LAMC3: variants seen among roughly 807,000 people sequenced by gnomAD.
LAMC3 encodes the protein laminin subunit gamma 3.
LAMC3 carries 128 observed loss-of-function variants against 173.8 expected under a neutral mutation model. The ratio of observed to expected loss-of-function variants is 0.74; its 90% confidence interval spans 0.64 to 0.85. LAMC3 has a LOEUF of 0.85. Ranked by LOEUF, LAMC3 falls within the 40% of genes least tolerant of loss-of-function variation. LAMC3 has a pLI of 0.00. For missense variants in LAMC3, 2,022 were observed against 2,156.0 expected (o/e 0.94, Z 1.23); for synonymous variants, 897 against 909.1 (o/e 0.99, Z 0.24).
chr9:131,068,789 A>G, intron 15 of LAMC3, 119 bp from the exon 16 acceptor site: 1 of 1,020,072 alleles, frequency 9.8e-7, no homozygotes, highest in South Asian at 1.5e-5. Flanking sequence ...CACCGAGAGG[A>G]GATGGGGTCT....
At chr9:131,031,789 A>T (rs922498243) in intron 2 of LAMC3, among the ~76,000 whole-genome samples, 2 of 152,144 alleles carry the variant, frequency 1.3e-5, no homozygotes, top group Non-Finnish European at 2.9e-5. Context: ...TTTTGTTCCA[A>T]TTCACAGATG....
At chr9:131,042,905 C>A (rs950845863) in intron 7 of LAMC3, among the ~76,000 whole-genome samples, 1 of 151,928 alleles carries the variant, frequency 6.6e-6, no homozygotes, top group Non-Finnish European at 1.5e-5. Flanking sequence ...GCAGACATCA[C>A]TAATGGAGCA....
chr9:131,081,935 A>C, intron 23 of LAMC3, 124 bp from the exon 24 acceptor site: 1 of 716,026 alleles, frequency 1.4e-6, no homozygotes, highest in Non-Finnish European at 2.5e-6. Flanking sequence ...GGACAGCGTG[A>C]CCCAGCGTCA....
At position 131,077,203 on chromosome 9, in the gene LAMC3, G is replaced by A; in HGVS notation, c.3646G>A (p.Ala1216Thr). The A allele has an allele frequency of 1.2e-6, 2 of 1,613,754 alleles. No individual in the cohort carries two copies. The highest frequency in any genetic ancestry group is 1.1e-5 in the South Asian group (1 of 91,078). Residue 1216 changes from alanine to threonine, a missense_variant, in exon 22 of 28, where the codon GCG becomes ACG. Physicochemically the swap from Ala to Thr is moderately conservative, Grantham distance 58. Coordinates refer to ENST00000361069, the MANE Select transcript of LAMC3 (RefSeq NM_006059.4). Reference protein sequence around the residue: ...DLEDRYQEVQAAQKALRTAVA... With the variant: ...DLEDRYQEVQTAQKALRTAVA... ...TCCTCCCAGGTACCAGGAGGTCCAG[G>A]CGGCCCAGAAAGCACTGAGGACGGC...
intron 15 of LAMC3, 70 bp downstream of exon 15, chr9:131,068,301 A>C: frequency 6.6e-7 from 1 of 1,514,244 alleles, no homozygotes; most frequent in East Asian, 2.3e-5. Flanking sequence ...GGCAGCCCCC[A>C]GGGAGGGGCC....
chr9:131,074,717 G>A (rs1039619356), intron 20 of LAMC3, among the ~76,000 whole-genome samples: 16 of 140,130 alleles, frequency 1.1e-4, no homozygotes, highest in South Asian at 1.1e-3. Context: ...AAAAAAAAAA[G>A]ACGCAGCTTA....
At chr9:131,012,791 G>A (rs1292292737) in intron 1 of LAMC3, among the ~76,000 whole-genome samples, 2 of 152,242 alleles carry the variant, frequency 1.3e-5, no homozygotes, top group Non-Finnish European at 1.5e-5. Flanking sequence ...GGAAGGGAGA[G>A]TGGGCGGCCA....
chr9:131,040,848 G>A (rs552192844), intron 6 of LAMC3, among the ~76,000 whole-genome samples: 90 of 152,282 alleles, frequency 5.9e-4, no homozygotes, highest in Non-Finnish European at 1.1e-3. Flanking sequence ...ACAGCCTCTC[G>A]TACATCTCCC....
intron 12 of LAMC3, among the ~76,000 whole-genome samples, chr9:131,059,823 A>G (rs1156966583): frequency 6.6e-6 from 1 of 152,216 alleles, no homozygotes; most frequent in African/African-American, 2.4e-5. Context: ...GAGAGGAGGA[A>G]TGAGCCTATG....
Position 131,091,630 on chromosome 9 carries a change from C to A in LAMC3, c.4571C>A (p.Ser1524Tyr), listed in dbSNP as rs139127207. The change falls in exon 28 of 28, where the codon TCC (serine) becomes TAC (tyrosine). Residue 1524 changes from serine to tyrosine, a missense_variant. Transcript: ENST00000361069. Reference protein sequence around the residue: ...RLRLQLGSPGSLQRKLSLLEQ... With the variant: ...RLRLQLGSPGYLQRKLSLLEQ... ...AGGCTGCAGCTGGGCTCCCCGGGGT[C>A]CTTGCAGAGGAAACTCAGTCTGCTG... 37 of 1,600,128 alleles carry A rather than the reference C, an allele frequency of 2.3e-5. No individual in the cohort carries two copies. The African/African-American group carries it at 4.8e-4, about 21-fold the overall frequency.
intron 1 of LAMC3, among the ~76,000 whole-genome samples, chr9:131,025,950 G>T (rs1004194937): frequency 6.6e-6 from 1 of 152,172 alleles, no homozygotes; most frequent in African/African-American, 2.4e-5. Context: ...GGTAGAGCAG[G>T]CTTTCTTAGA....
At chr9:131,085,854 C>G in intron 25 of LAMC3, 131 bp downstream of exon 25, 1 of 830,522 alleles carries the variant, frequency 1.2e-6, no homozygotes, top group Non-Finnish European at 2.0e-6. Context: ...AGGCAATTAG[C>G]TCAGAGACTT....
At chr9:131,066,864 G>C in intron 13 of LAMC3, 96 bp from the exon 14 acceptor site, 1 of 1,517,022 alleles carries the variant, frequency 6.6e-7, no homozygotes, top group East Asian at 2.3e-5. Flanking sequence ...GCTGCTCCGG[G>C]GAAGGTGGAG....
intron 17 of LAMC3, 23 bp from the exon 18 acceptor site, chr9:131,071,461 C>G (rs771882275): frequency 1.3e-6 from 2 of 1,592,276 alleles, no homozygotes; most frequent in African/African-American, 1.4e-5. Context: ...GCCTCATACA[C>G]CTTTTCTTCC....
intron 8 of LAMC3, among the ~76,000 whole-genome samples, chr9:131,047,129 CAGG>C (rs1464498589): frequency 2.0e-5 from 3 of 148,102 alleles, no homozygotes; most frequent in Admixed American, 1.4e-4. Flanking sequence ...TGCCCTTGCG[CAGG>C]AGTTCTCAAA....
chr9:131,089,544 ATTTTTT>A (rs59946569), intron 27 of LAMC3, among the ~76,000 whole-genome samples: 18 of 139,162 alleles, frequency 1.3e-4, no homozygotes, highest in African/African-American at 1.6e-4. Flanking sequence ...CACCCAGCTA[ATTTTTT>A]TTTTTTTTTT....
rs532821218 is a variant in LAMC3, at chr9:131,017,376, A to G, written c.373+7789A>G. Reference sequence around the variant, plus strand: ...GCTTTTCTGTCCTTGCCAAACCAGGAGGTGAGAGAAGATGCAGCAATATCA... The same window carrying G: ...GCTTTTCTGTCCTTGCCAAACCAGGGGGTGAGAGAAGATGCAGCAATATCA... On this transcript the variant is annotated intron_variant, in intron 1 of 27. Coordinates refer to ENST00000361069, the MANE Select transcript of LAMC3 (RefSeq NM_006059.4). Among the ~76,000 whole-genome samples the G allele has an allele frequency of 2.6e-5, 4 of 152,194 alleles. No individual in the cohort carries two copies. The South Asian group carries it at 8.3e-4, about 32-fold the overall frequency.
At chr9:131,030,735 C>CT (rs904930937) in intron 2 of LAMC3, among the ~76,000 whole-genome samples, 3 of 152,226 alleles carry the variant, frequency 2.0e-5, no homozygotes, top group African/African-American at 7.2e-5. Context: ...CCAGGTGGCA[C>CT]TTTTTTCTGG....
rs138823998 is a variant in LAMC3 at position 131,061,113 on chromosome 9, C to G, written c.2237C>G (p.Ala746Gly). ...CLPGFYGNPF[A>G]GQADDCQPCP... ...CCAGGTTTCTATGGCAACCCTTTCG[C>G]GGGCCAAGCCGACGACTGCCAGCCC... is the stretch of plus-strand genomic sequence containing the variant. Residue 746 changes from alanine (A) to glycine (G), a missense_variant, in exon 13 of 28, where the codon GCG becomes GGG. Coordinates refer to ENST00000361069, the MANE Select transcript of LAMC3 (RefSeq NM_006059.4). 1 of 1,613,908 alleles carries G rather than the reference C, an allele frequency of 6.2e-7. No individual in the cohort carries two copies. The highest frequency in any genetic ancestry group is 8.5e-7 in the Non-Finnish European group (1 of 1,180,006).
Sources: gnomAD v4.1 joint callset for allele counts (sites outside exome capture counted in the v4.1 genomes callset) on GRCh38, gnomAD v4.1.1 for gene constraint, MANE v1.5 for transcripts, NCBI Gene and HGNC (gene_info 2026-07-23, HGNC 2026-07-21) for gene names.